BCAS3: variants seen among roughly 807,000 people sequenced by gnomAD.
The protein encoded by BCAS3 is BCAS4/BCAS3 fusion.
Under a neutral mutation model 116.1 loss-of-function variants are expected in BCAS3, and 53 were observed. That is an observed-to-expected ratio of 0.46 (90% confidence interval 0.37 to 0.57). The LOEUF (loss-of-function observed/expected upper bound fraction) is 0.57, where lower values mean the gene tolerates loss of function less well. Among genes scored for constraint, BCAS3 ranks in the 20% least tolerant of loss-of-function variants. The probability of loss-of-function intolerance (pLI) is 0.00; values close to 1 mark genes in which losing one functional copy is unlikely to be tolerated. For missense variants in BCAS3, 917 were observed against 1,165.4 expected (o/e 0.79, Z 3.10); for synonymous variants, 391 against 408.2 (o/e 0.96, Z 0.51).
At position 61,380,143 on chromosome 17, in the gene BCAS3, G is replaced by C; in HGVS notation, c.2593+11649G>C. ...CACTGCCATGCAGCTTTGAACTTCA[G>C]ACCTGGTTTCTAAATCCACGGAAGC... On this transcript the variant is annotated intron_variant, in intron 23 of 23. Coordinates refer to ENST00000407086, the MANE Select transcript of BCAS3 (RefSeq NM_017679.5). The surrounding 1 kb of genome is among the most constrained non-coding windows in gnomAD (Gnocchi z 4.2). 3.7e-6 allele frequency: 1 copy of C among 272,018 alleles called. No homozygotes were observed. Among genetic ancestry groups the C allele is most frequent in the East Asian group, 9.1e-5 (1 of 10,992 alleles). 16.9% of individuals were successfully genotyped at this position (272,018 alleles called of 1,614,324 possible).
At chr17:60,760,502 T>C (rs1369946336) in intron 6 of BCAS3, among the ~76,000 whole-genome samples, 1 of 151,810 alleles carries the variant, frequency 6.6e-6, no homozygotes, top group Admixed American at 6.6e-5. Flanking sequence ...TTTTTGTTTT[T>C]TTTTTTTTAA....
At chr17:60,774,239 G>A (rs866591552) in intron 6 of BCAS3, among the ~76,000 whole-genome samples, 1 of 151,616 alleles carries the variant, frequency 6.6e-6, no homozygotes, top group Non-Finnish European at 1.5e-5. Context: ...ATCTAATGTT[G>A]TTAACCCATC....
rs2053938850 is a variant in BCAS3 at position 61,307,438 on chromosome 17, C to CA, written c.2426-60888dup. 6.6e-6 allele frequency among the ~76,000 whole-genome samples: 1 copy of CA among 152,182 alleles called. No individual in the cohort carries two copies. ...AACCCATGTTTTCTTTTTCCCATTG[C>CA]ATTTACTACAGTTACAACGATAATA... On this transcript the variant is annotated intron_variant, in intron 22 of 23. Transcript: ENST00000407086. The surrounding 1 kb of genome is among the most constrained non-coding windows in gnomAD (Gnocchi z 4.7).
At position 61,181,686 on chromosome 17, in the gene BCAS3, C is replaced by A. The variant is rs1227983031; in HGVS notation, c.2425+97122C>A. On this transcript the variant is annotated intron_variant, in intron 22 of 23. Coordinates refer to ENST00000407086, the MANE Select transcript of BCAS3 (RefSeq NM_017679.5). The surrounding 1 kb of genome is among the most constrained non-coding windows in gnomAD (Gnocchi z 5.0). ...CTCTGATCATCTACATATAGAGATA[C>A]ACTGGATGATAAGAGTCAACTCTAA... Among the ~76,000 whole-genome samples, 1 of 152,114 alleles carries A rather than the reference C, an allele frequency of 6.6e-6. No homozygotes were observed. The highest frequency in any genetic ancestry group is 2.4e-5 in the African/African-American group (1 of 41,414).
chr17:61,380,459 G>A lies in BCAS3; in HGVS notation c.2594-11518G>A. ...CTCAGCTCTTCCTGCTCTCTTAAAG[G>A]TCCAGTTTGTGATCCGCTTTAAAGG... On this transcript the variant is annotated intron_variant, in intron 23 of 23. Transcript: ENST00000407086. The surrounding 1 kb of genome is among the most constrained non-coding windows in gnomAD (Gnocchi z 4.2). The A allele has an allele frequency of 6.5e-7, 1 of 1,543,810 alleles. No homozygotes were observed. Among genetic ancestry groups the A allele is most frequent in the Non-Finnish European group, 8.8e-7 (1 of 1,134,016 alleles).
intron 8 of BCAS3, among the ~76,000 whole-genome samples, chr17:60,873,767 T>C (rs1352085035): frequency 6.6e-6 from 1 of 152,242 alleles, no homozygotes; most frequent in African/African-American, 2.4e-5. Context: ...AAACTTAAAG[T>C]GATGGGTTAC....
chr17:60,833,681 G>A (rs993433656), intron 7 of BCAS3, among the ~76,000 whole-genome samples: 5 of 151,998 alleles, frequency 3.3e-5, no homozygotes, highest in South Asian at 2.1e-4. Flanking sequence ...TATTTCGTTC[G>A]GTACATATGT....
At chr17:60,957,592 T>A (rs1284012505) in intron 14 of BCAS3, among the ~76,000 whole-genome samples, 1 of 152,236 alleles carries the variant, frequency 6.6e-6, no homozygotes, top group Non-Finnish European at 1.5e-5. Context: ...TTGTTATGTT[T>A]TTACAGTTTG....
chr17:60,937,038 A>T (rs1476201716), intron 13 of BCAS3, among the ~76,000 whole-genome samples: 2 of 152,108 alleles, frequency 1.3e-5, no homozygotes, highest in Non-Finnish European at 2.9e-5. Context: ...ATTTTTGTAT[A>T]AGGTGTAAGG....
rs2051061634 is a variant in BCAS3 at position 61,279,597 on chromosome 17, C to T, written c.2426-88730C>T. On this transcript the variant is annotated intron_variant, in intron 22 of 23. Transcript: ENST00000407086. This position sits in a 1 kb window ranked among gnomAD's most constrained non-coding sequence, Gnocchi z 4.4. ...GTCTAATTTTGATGTGGCCCAGTGA[C>T]TGTACACCAGGCCTCATCACTGCCT... Among the ~76,000 whole-genome samples, 1 of 152,150 alleles carries T rather than the reference C, an allele frequency of 6.6e-6. No individual in the cohort carries two copies. Among genetic ancestry groups the T allele is most frequent in the African/African-American group, 2.4e-5 (1 of 41,426 alleles).
In BCAS3 at chr17:61,392,332, G is replaced by C. The variant is rs751680109; in HGVS notation, c.*207G>C. The stretch of plus-strand genomic sequence containing the variant: ...GCACTTGCCCTCTGCCACACCTGTC[G>C]GTGGAGGCTGTGGCCAGGAGAGACT... On this transcript the variant is annotated 3_prime_UTR_variant, in exon 24 of 24. Coordinates refer to ENST00000407086, the MANE Select transcript of BCAS3 (RefSeq NM_017679.5). The surrounding 1 kb of genome is among the most constrained non-coding windows in gnomAD (Gnocchi z 6.4). 5 of 582,828 alleles carry C rather than the reference G, an allele frequency of 8.6e-6. No individual in the cohort carries two copies. Among genetic ancestry groups the C allele is most frequent in the East Asian group, 6.0e-5 (2 of 33,436 alleles). 36.1% of individuals were successfully genotyped at this position (582,828 alleles called of 1,614,324 possible). A position where few individuals can be genotyped will look rare whatever the true frequency, so the allele number is the denominator to read the frequency against.
At chr17:60,749,841 A>T (rs2042299920) in intron 6 of BCAS3, among the ~76,000 whole-genome samples, 1 of 152,224 alleles carries the variant, frequency 6.6e-6, no homozygotes, top group Non-Finnish European at 1.5e-5. Context: ...AGTAAGATTT[A>T]TTCCAGGAAT....
rs118113798 is a variant in BCAS3, at chr17:61,285,563, G to A, written c.2426-82764G>A. On this transcript the variant is annotated intron_variant, in intron 22 of 23. Transcript: ENST00000407086. This position sits in a 1 kb window ranked among gnomAD's most constrained non-coding sequence, Gnocchi z 5.4. ...AGAATTAAGGTCTGGGCTCAAAACT[G>A]TCTTGAGCTGTGCTAGGCATAATTG... 0.011 allele frequency among the ~76,000 whole-genome samples: 1,700 copies of A among 152,300 alleles called. 22 individuals are homozygous for A. Among genetic ancestry groups the A allele is most frequent in the South Asian group, 0.032 (155 of 4,826 alleles).
rs1270375760 is a variant in BCAS3, at chr17:61,379,594, C to A, written c.2593+11100C>A. ...TCCAGCCTTGGCCTTTTACTTATTT[C>A]TTCCTGCCCACTCCTCCTCCCACGT... is the stretch of plus-strand genomic sequence containing the variant. On this transcript the variant is annotated intron_variant, in intron 23 of 23. Transcript: ENST00000407086. This position sits in a 1 kb window ranked among gnomAD's most constrained non-coding sequence, Gnocchi z 5.5. 6.6e-6 allele frequency: 1 copy of A among 152,222 alleles called. No homozygotes were observed. Among genetic ancestry groups the A allele is most frequent in the African/African-American group, 2.4e-5 (1 of 41,436 alleles). The allele number at this position is 152,222 out of a possible 1,614,324, so 9.4% of individuals were successfully genotyped here. A position where few individuals can be genotyped will look rare whatever the true frequency, so the allele number is the denominator to read the frequency against.
At position 61,388,618 on chromosome 17, in the gene BCAS3, G is replaced by C; in HGVS notation, c.2594-3359G>C. 1 of 1,531,830 alleles carries C rather than the reference G, an allele frequency of 6.5e-7. No homozygotes were observed. The highest frequency in any genetic ancestry group is 8.7e-7 in the Non-Finnish European group (1 of 1,146,482). The allele number at this position is 1,531,830 out of a possible 1,614,324, so 94.9% of individuals were successfully genotyped here. ...TCCTCAATGCTTTTCTTTTCAAAAG[G>C]GAAAAAAAAAGGAAAAAAAAAACAA... On this transcript the variant is annotated intron_variant, in intron 23 of 23. Transcript: ENST00000407086. The surrounding 1 kb of genome is among the most constrained non-coding windows in gnomAD (Gnocchi z 6.5).
At chr17:61,212,394 C>A (rs948758352) in intron 22 of BCAS3, among the ~76,000 whole-genome samples, 3 of 152,082 alleles carry the variant, frequency 2.0e-5, no homozygotes, top group Non-Finnish European at 2.9e-5. Flanking sequence ...AGGGCCACCA[C>A]GCCCAGCCTT....
At chr17:60,811,347 G>T in intron 7 of BCAS3, 1 of 660,070 alleles carries the variant, frequency 1.5e-6, no homozygotes, top group Non-Finnish European at 2.7e-6. Flanking sequence ...TTCAGTCTTG[G>T]TGATACCCCA....
chr17:61,369,586 C>T (rs1465328914), intron 23 of BCAS3, among the ~76,000 whole-genome samples: 1 of 152,208 alleles, frequency 6.6e-6, no homozygotes, highest in Non-Finnish European at 1.5e-5. Flanking sequence ...AGGCGTTTCC[C>T]TCATCCATCC....
chr17:61,360,461 T>C (rs553533196), intron 22 of BCAS3, among the ~76,000 whole-genome samples: 55 of 152,322 alleles, frequency 3.6e-4, no homozygotes, highest in African/African-American at 1.3e-3. Flanking sequence ...ACAACAGATG[T>C]ATTCTCTTGT....
Sources: gnomAD v4.1 joint callset for allele counts (sites outside exome capture counted in the v4.1 genomes callset) on GRCh38, gnomAD v4.1.1 for gene constraint, Gnocchi (gnomAD v3.1) non-coding constraint, MANE v1.5 for transcripts, NCBI Gene and HGNC (gene_info 2026-07-23, HGNC 2026-07-21) for gene names.